Variants in DIAPH2 observed in about 807,000 individuals in gnomAD.
DIAPH2 encodes diaphanous related formin 2.
A neutral mutation model predicts 92.7 loss-of-function variants in DIAPH2; 35 were observed. The ratio of observed to expected loss-of-function variants is 0.38; its 90% CI spans 0.29 to 0.50. DIAPH2 has a LOEUF of 0.50. DIAPH2 is among the 20% of genes least tolerant of loss of function. The probability of loss-of-function intolerance (pLI) is 0.94; values close to 1 mark genes in which losing one functional copy is unlikely to be tolerated. For missense variants in DIAPH2, 701 were observed against 819.5 expected (o/e 0.86, Z 1.77); for synonymous variants, 301 against 280.4 (o/e 1.07, Z -0.73).
chrX:97,463,274 C>CTTTT (rs34254892), intron 26 of DIAPH2, among the ~76,000 whole-genome samples: 3 of 92,257 alleles, frequency 3.3e-5, no homozygotes, highest in Non-Finnish European at 2.1e-5. Flanking sequence ...TATCTGAATC[C>CTTTT]TTTTTTTTTT....
chrX:96,722,213 C>T (rs1472349134), intron 1 of DIAPH2, among the ~76,000 whole-genome samples: 1 of 110,277 alleles, frequency 9.1e-6, no homozygotes, highest in African/African-American at 3.3e-5. Context: ...AAAAATTAGC[C>T]GGGCGTGGTG....
At chrX:97,145,175 A>T (rs747796325) in intron 22 of DIAPH2, among the ~76,000 whole-genome samples, 1 of 111,729 alleles carries the variant, frequency 9.0e-6, no homozygotes, top group South Asian at 3.7e-4. Flanking sequence ...GAGAATAATA[A>T]CAGTGAGATT....
chrX:97,168,617 G>A (rs10218358), intron 22 of DIAPH2, among the ~76,000 whole-genome samples: 2,515 of 111,210 alleles, frequency 0.023, 48 homozygotes, highest in African/African-American at 0.065. Flanking sequence ...TTACATTCTC[G>A]AAGTGGGGAG....
At chrX:97,115,856 C>T (rs1193478322) in intron 21 of DIAPH2, among the ~76,000 whole-genome samples, 1 of 111,390 alleles carries the variant, frequency 9.0e-6, no homozygotes, top group African/African-American at 3.3e-5. Flanking sequence ...CCCAAAAGTG[C>T]TTGTATATGT....
chrX:97,029,339 G>A (rs1211802609), intron 17 of DIAPH2, among the ~76,000 whole-genome samples: 3 of 108,688 alleles, frequency 2.8e-5, no homozygotes. Flanking sequence ...GTAGAGATAG[G>A]GTTTTACCAT....
At chrX:97,392,952 T>G (rs1230218788) in intron 25 of DIAPH2, among the ~76,000 whole-genome samples, 3 of 111,753 alleles carry the variant, frequency 2.7e-5, no homozygotes, top group Middle Eastern at 4.6e-3. Context: ...GTGAAGGGTT[T>G]GATTTGGAAA....
chrX:97,283,599 T>C (rs1475376308), intron 23 of DIAPH2, among the ~76,000 whole-genome samples: 1 of 112,686 alleles, frequency 8.9e-6, no homozygotes, highest in African/African-American at 3.2e-5. Context: ...ATGAGGGCCA[T>C]TGATTGGCCA....
intron 17 of DIAPH2, among the ~76,000 whole-genome samples, chrX:96,995,822 T>A (rs1043489346): frequency 2.6e-4 from 29 of 109,481 alleles, no homozygotes; most frequent in Non-Finnish European, 5.1e-4. Context: ...CTCAGAAGAA[T>A]ATATGAAGAG....
chrX:97,560,561 C>T (rs936301549), intron 26 of DIAPH2, among the ~76,000 whole-genome samples: 8 of 111,546 alleles, frequency 7.2e-5, no homozygotes, highest in African/African-American at 2.0e-4. Context: ...GGCTCAGTCT[C>T]GGCTCACTGC....
At chrX:97,476,195 T>C (rs1417174873) in intron 26 of DIAPH2, among the ~76,000 whole-genome samples, 1 of 112,229 alleles carries the variant, frequency 8.9e-6, no homozygotes, top group Non-Finnish European at 1.9e-5. Context: ...TTAGTTAAAG[T>C]CATGAAATAT....
rs750566920 is a variant in DIAPH2 at position 97,011,531 on chromosome X, G to T, written c.2050+46324G>T. Among the ~76,000 whole-genome samples, 28 of 111,775 alleles carry T rather than the reference G, an allele frequency of 2.5e-4. 1 individual carries two copies. Among genetic ancestry groups the T allele is most frequent in the African/African-American group, 8.4e-4 (26 of 30,778 alleles). On this transcript the variant is annotated intron_variant, in intron 17 of 26. Transcript: ENST00000324765. ...AAACTGCCCTGGGAATCTTAAATTT[G>T]CCTGTTAAGATCAACATTTGAGAAT...
chrX:96,724,339 G>C (rs17281732), intron 1 of DIAPH2, among the ~76,000 whole-genome samples: 21,070 of 110,862 alleles, frequency 0.19, 1,489 homozygotes, highest in East Asian at 0.32. Context: ...GTCCCTAATT[G>C]GCCAAACTGT....
chrX:96,756,575 A>C (rs1396722986), intron 3 of DIAPH2, among the ~76,000 whole-genome samples: 2 of 111,790 alleles, frequency 1.8e-5, no homozygotes, highest in Non-Finnish European at 3.8e-5. Flanking sequence ...ATTATCAATA[A>C]TGCTGCTATG....
intron 4 of DIAPH2, among the ~76,000 whole-genome samples, chrX:96,865,793 C>T (rs901584330): frequency 2.7e-5 from 3 of 112,215 alleles, no homozygotes; most frequent in Non-Finnish European, 3.8e-5. Context: ...GTGAGTAGTA[C>T]AGTGAATGGC....
At chrX:97,410,230 C>A (rs1270228482) in intron 25 of DIAPH2, among the ~76,000 whole-genome samples, 1 of 112,276 alleles carries the variant, frequency 8.9e-6, no homozygotes, top group South Asian at 3.7e-4. Context: ...GCAATATTTG[C>A]TGTTCTGCAG....
chrX:97,442,816 A>C (rs373701433), intron 26 of DIAPH2: 1 of 112,379 alleles, frequency 8.9e-6, no homozygotes, highest in African/African-American at 3.2e-5. Context: ...TGGAAGCTGA[A>C]AGAAGGAAGG....
chrX:97,567,756 G>A (rs111506843), intron 26 of DIAPH2, among the ~76,000 whole-genome samples: 131 of 111,417 alleles, frequency 1.2e-3, no homozygotes, highest in Admixed American at 4.3e-3. Context: ...AAATAAATTT[G>A]TAGGAAGCAG....
In DIAPH2 at chrX:96,957,860, A is replaced by G; in HGVS notation, c.1647A>G (p.Pro549=). Residue 549 remains proline (P), a synonymous_variant, in exon 16 of 27, where the codon CCA becomes CCG. Coordinates refer to ENST00000324765, the MANE Select transcript of DIAPH2 (RefSeq NM_006729.5). Reference sequence around the variant, plus strand: ...TACTCTCAAGTTCATCAGGAATTCCAGGTCCTCCTGCAGCACCTCCATTGC... The same window carrying G: ...TACTCTCAAGTTCATCAGGAATTCCGGGTCCTCCTGCAGCACCTCCATTGC... ...AQVLSSSSGI[P]GPPAAPPLPG... 8.3e-7 allele frequency: 1 copy of G among 1,210,372 alleles called. No homozygotes were observed. The highest frequency in any genetic ancestry group is 1.1e-6 in the Non-Finnish European group (1 of 894,541).
At chrX:97,500,688 G>A (rs1006412781) in intron 26 of DIAPH2, among the ~76,000 whole-genome samples, 14 of 102,848 alleles carry the variant, frequency 1.4e-4, no homozygotes, top group Non-Finnish European at 2.2e-4. Context: ...TTGAAGTACC[G>A]CTTGCTATAC....
Sources: gnomAD v4.1 joint callset for allele counts (sites outside exome capture counted in the v4.1 genomes callset) on GRCh38, gnomAD v4.1.1 for gene constraint, MANE v1.5 for transcripts, NCBI Gene and HGNC (gene_info 2026-07-23, HGNC 2026-07-21) for gene names.